Variants in WASF2 observed in about 807,000 individuals in gnomAD.
WASF2 encodes actin-binding protein WASF2.
Under a neutral mutation model 45.0 loss-of-function variants are expected in WASF2, and 14 were observed. The observed-to-expected ratio is 0.31, with a 90% CI of 0.21 to 0.49. The LOEUF (loss-of-function observed/expected upper bound fraction) is 0.49, where lower values mean the gene tolerates loss of function less well. Among genes scored for constraint, WASF2 ranks in the 20% least tolerant of loss-of-function variants. The pLI is 0.99. For synonymous variants in WASF2, 200 were observed against 236.3 expected, an observed-to-expected ratio of 0.85 and a Z score of 1.41; for missense variants, 439 against 636.1, an observed-to-expected ratio of 0.69 and a Z score of 3.33.
chr1:27,451,192 T>A (rs1339442328), intron 1 of WASF2, among the ~76,000 whole-genome samples: 1 of 152,190 alleles, frequency 6.6e-6, no homozygotes, highest in Non-Finnish European at 1.5e-5. Context: ...TCACAGAGCT[T>A]GCAAGCTCCT....
At chr1:27,477,261 C>G (rs1474741457) in intron 1 of WASF2, among the ~76,000 whole-genome samples, 1 of 152,240 alleles carries the variant, frequency 6.6e-6, no homozygotes, top group African/African-American at 2.4e-5. Flanking sequence ...TTTTTAAGGC[C>G]AGGCGCGGTG....
intron 1 of WASF2, among the ~76,000 whole-genome samples, chr1:27,434,861 T>G (rs1330456724): frequency 6.6e-6 from 1 of 152,204 alleles, no homozygotes; most frequent in Non-Finnish European, 1.5e-5. Flanking sequence ...ATGATGGCAT[T>G]CGTGCTTTGA....
intron 1 of WASF2, among the ~76,000 whole-genome samples, chr1:27,432,482 A>G (rs1191058212): frequency 2.6e-5 from 4 of 151,594 alleles, no homozygotes; most frequent in Non-Finnish European, 5.9e-5. Flanking sequence ...CGCCGTCTCT[A>G]CTAAAAATAC....
At chr1:27,408,914 G>A (rs1211133932) in intron 8 of WASF2, among the ~76,000 whole-genome samples, 1 of 152,126 alleles carries the variant, frequency 6.6e-6, no homozygotes, top group Admixed American at 6.6e-5. Flanking sequence ...GGGCAAGGAA[G>A]GAAGACACGA....
At chr1:27,423,051 G>A (rs921976510) in intron 2 of WASF2, among the ~76,000 whole-genome samples, 1 of 148,218 alleles carries the variant, frequency 6.7e-6, no homozygotes, top group Non-Finnish European at 1.5e-5. Context: ...TGATACATGA[G>A]AATCGCTTGA....
In WASF2 at chr1:27,444,939, A is replaced by G. The variant is rs549948575; in HGVS notation, c.-43-16006T>C. On this transcript the variant is annotated intron_variant, in intron 1 of 8. Transcript: ENST00000618852. ...AAGCCTTCCCTGAATCTTCCAGTCT[A>G]AAGTCATTTTCCTCCCTCCAAGTGC... 1.6e-3 allele frequency among the ~76,000 whole-genome samples: 244 copies of G among 152,308 alleles called. 1 individual carries two copies. Among genetic ancestry groups the G allele is most frequent in the African/African-American group, 4.4e-3 (184 of 41,576 alleles).
At position 27,408,051 on chromosome 1, in the gene WASF2, G is replaced by A. The variant is rs1444558361; in HGVS notation, c.*138C>T. 5.0e-6 allele frequency: 5 copies of A among 994,682 alleles called. No individual in the cohort carries two copies. Among genetic ancestry groups the A allele is most frequent in the Non-Finnish European group, 7.2e-6 (5 of 690,370 alleles). 61.6% of individuals were successfully genotyped at this position (994,682 alleles called of 1,614,324 possible). On this transcript the variant is annotated 3_prime_UTR_variant, in exon 9 of 9. Coordinates refer to ENST00000618852, the MANE Select transcript of WASF2 (RefSeq NM_006990.5). ...GGAGGAAGCACTTGGATATATCTTT[G>A]GTTGCTTCAGGGAAAGCTTTGGCCC...
chr1:27,467,715 A>C (rs1381087058), intron 1 of WASF2, among the ~76,000 whole-genome samples: 2 of 151,518 alleles, frequency 1.3e-5, no homozygotes, highest in Non-Finnish European at 2.9e-5. Context: ...GATGGAGACC[A>C]GCCTGGCTGA....
At chr1:27,423,464 G>T (rs931277908) in intron 2 of WASF2, among the ~76,000 whole-genome samples, 1 of 152,166 alleles carries the variant, frequency 6.6e-6, no homozygotes, top group Non-Finnish European at 1.5e-5. Context: ...TTACAGGCGT[G>T]AGCCACTGTG....
chr1:27,442,459 G>A (rs1328548488), intron 1 of WASF2, among the ~76,000 whole-genome samples: 1 of 151,708 alleles, frequency 6.6e-6, no homozygotes, highest in East Asian at 2.0e-4. Flanking sequence ...CAGAAGAATC[G>A]CTTGAACCCA....
intron 1 of WASF2, among the ~76,000 whole-genome samples, chr1:27,432,377 G>A (rs1478048067): frequency 6.6e-6 from 1 of 152,034 alleles, no homozygotes; most frequent in Non-Finnish European, 1.5e-5. Context: ...GGCCGGGCGC[G>A]GTGGCTCACG....
rs2017428528 is a variant in WASF2 at position 27,454,168 on chromosome 1, TA to T, written c.-43-25236del. Among the ~76,000 whole-genome samples, 3 of 21,898 alleles carry T rather than the reference TA, an allele frequency of 1.4e-4. No individual in the cohort carries two copies. The South Asian group carries it at 6.5e-3, about 47-fold the overall frequency. 14.4% of individuals were successfully genotyped at this position (21,898 alleles called of 152,430 possible). On this transcript the variant is annotated intron_variant, in intron 1 of 8. Coordinates refer to ENST00000618852, the MANE Select transcript of WASF2 (RefSeq NM_006990.5). ...GTGTGTGTGTGTATATATATATATA[TA>T]TATATATATATATATATATTTTTTT...
intron 1 of WASF2, among the ~76,000 whole-genome samples, chr1:27,437,132 C>G (rs1365352896): frequency 6.6e-6 from 1 of 152,152 alleles, no homozygotes; most frequent in African/African-American, 2.4e-5. Flanking sequence ...TTTGTTCTTA[C>G]CCTTTTACAC....
In WASF2 at chr1:27,465,086, T is replaced by C. The variant is rs560514745; in HGVS notation, c.-44+24900A>G. ...AAGACGCAAGGAAACACATTCTGAC[T>C]GGCTGAGACTGCCAGATGTCTGACT... On this transcript the variant is annotated intron_variant, in intron 1 of 8. Transcript: ENST00000618852. Among the ~76,000 whole-genome samples the C allele has an allele frequency of 8.5e-5, 13 of 152,346 alleles. No individual in the cohort carries two copies. In the South Asian group the frequency reaches 2.1e-3, roughly 24 times the overall value.
intron 1 of WASF2, among the ~76,000 whole-genome samples, chr1:27,486,437 TA>T (rs1385408001): frequency 6.6e-6 from 1 of 152,202 alleles, no homozygotes; most frequent in African/African-American, 2.4e-5. Context: ...ATGAATGTAT[TA>T]ATAGAGCTTC....
At chr1:27,442,777 C>T (rs940002567) in intron 1 of WASF2, among the ~76,000 whole-genome samples, 2 of 151,312 alleles carry the variant, frequency 1.3e-5, no homozygotes, top group Admixed American at 1.3e-4. Flanking sequence ...CCGAGGTGGG[C>T]GGATCACGAG....
At position 27,404,872 on chromosome 1, in the gene WASF2, G is replaced by C. The variant is rs1297945534; in HGVS notation, c.*3317C>G. 1 of 152,292 alleles carries C rather than the reference G, an allele frequency of 6.6e-6. No homozygotes were observed. 9.4% of individuals were successfully genotyped at this position (152,292 alleles called of 1,614,324 possible). A position where few individuals can be genotyped will look rare whatever the true frequency, so the allele number is the denominator to read the frequency against. ...CATCTCTGCGCGACACCTGGTCCCA[G>C]GTCAGTTGGACCCCAGCAGGGCTCA... On this transcript the variant is annotated 3_prime_UTR_variant, in exon 9 of 9. Coordinates refer to ENST00000618852, the MANE Select transcript of WASF2 (RefSeq NM_006990.5).
rs2016701480 is a variant in WASF2 at position 27,407,898 on chromosome 1, C to G, written c.*291G>C. ...CCAACAGAAACCCGATCAAAGGAAT[C>G]TGCTTTGGGATTTCTCCTTCCTTTC... On this transcript the variant is annotated 3_prime_UTR_variant, in exon 9 of 9. Coordinates refer to ENST00000618852, the MANE Select transcript of WASF2 (RefSeq NM_006990.5). The G allele has an allele frequency of 3.3e-6, 1 of 300,812 alleles. No homozygotes were observed. Among genetic ancestry groups the G allele is most frequent in the Non-Finnish European group, 6.2e-6 (1 of 162,038 alleles). The allele number at this position is 300,812 out of a possible 1,614,324, so 18.6% of individuals were successfully genotyped here.
intron 1 of WASF2, among the ~76,000 whole-genome samples, chr1:27,465,199 C>T (rs1180017092): frequency 6.6e-6 from 1 of 152,172 alleles, no homozygotes; most frequent in Non-Finnish European, 1.5e-5. Flanking sequence ...AGACTCCACA[C>T]ATGAAAGTTG....
Sources: allele counts gnomAD v4.1 joint callset (sites outside exome capture counted in the v4.1 genomes callset), GRCh38; gene constraint gnomAD v4.1.1; transcripts MANE v1.5; gene names NCBI Gene and HGNC (gene_info 2026-07-23, HGNC 2026-07-21).